RBM20: variants seen among roughly 807,000 people sequenced by gnomAD.
The protein encoded by RBM20 is RNA binding motif protein 20.
RBM20 carries 51 observed loss-of-function variants against 110.1 expected under a neutral mutation model. The ratio of observed to expected loss-of-function variants is 0.46; its 90% CI spans 0.37 to 0.59. RBM20 has a LOEUF of 0.59. Among genes scored for constraint, RBM20 ranks in the 20% least tolerant of loss-of-function variants. RBM20 has a pLI of 0.00. For synonymous variants in RBM20, 589 were observed against 618.2 expected (o/e 0.95, Z 0.70); for missense variants, 1,512 against 1,574.9 (o/e 0.96, Z 0.68).
At chr10:110,788,790 A>G (rs1844450577) in intron 5 of RBM20, among the ~76,000 whole-genome samples, 1 of 152,224 alleles carries the variant, frequency 6.6e-6, no homozygotes, top group Non-Finnish European at 1.5e-5. Context: ...GCCTACAAAC[A>G]CTGACCTCCA....
At chr10:110,729,574 G>A (rs1289289500) in intron 1 of RBM20, among the ~76,000 whole-genome samples, 1 of 152,220 alleles carries the variant, frequency 6.6e-6, no homozygotes, top group Non-Finnish European at 1.5e-5. Flanking sequence ...GTATCTCCCA[G>A]ATTTGGCAGC....
intron 1 of RBM20, among the ~76,000 whole-genome samples, chr10:110,680,203 G>A (rs75804329): frequency 0.035 from 5,359 of 152,156 alleles, 314 homozygotes; most frequent in African/African-American, 0.12. Flanking sequence ...TGGTGGGGGC[G>A]GAAGTTCAAG....
At chr10:110,743,408 T>G (rs1055083730) in intron 1 of RBM20, among the ~76,000 whole-genome samples, 3 of 152,310 alleles carry the variant, frequency 2.0e-5, no homozygotes, top group East Asian at 3.9e-4. Flanking sequence ...TAACGTGATA[T>G]ATCTTATTTT....
intron 1 of RBM20, among the ~76,000 whole-genome samples, chr10:110,699,623 C>T (rs1258887906): frequency 6.6e-6 from 1 of 152,116 alleles, no homozygotes; most frequent in Non-Finnish European, 1.5e-5. Flanking sequence ...AACCTGCATT[C>T]TTAAAGGGTA....
chr10:110,822,323 G>T (rs987991389), intron 11 of RBM20: 1 of 422,884 alleles, frequency 2.4e-6, no homozygotes, highest in Non-Finnish European at 4.6e-6. Context: ...TGTGATGGGG[G>T]CAAGAGTAGG....
chr10:110,780,988 G>A lies in RBM20; in HGVS notation c.379G>A (p.Val127Met). The A allele has an allele frequency of 4.5e-6, 7 of 1,551,726 alleles. No individual in the cohort carries two copies. Among genetic ancestry groups the A allele is most frequent in the Non-Finnish European group, 6.1e-6 (7 of 1,147,016 alleles). Reference protein sequence around the residue: ...ATVLNQVLSKVAMSQPLFNQL... With the variant: ...ATVLNQVLSKMAMSQPLFNQL... ...AGTCCTGAACCAAGTCCTCTCCAAA[G>A]TGGCCATGTCCCAGCCTCTCTTCAA... is the stretch of plus-strand genomic sequence containing the variant. The change falls in exon 2 of 14, where the codon GTG becomes ATG. Residue 127 changes from valine to methionine, a missense_variant. Transcript: ENST00000369519.
At chr10:110,788,559 C>T (rs1258920099) in intron 5 of RBM20, among the ~76,000 whole-genome samples, 1 of 152,214 alleles carries the variant, frequency 6.6e-6, no homozygotes, top group East Asian at 1.9e-4. Context: ...GATGTTCATT[C>T]ACATCCTTCT....
intron 1 of RBM20, among the ~76,000 whole-genome samples, chr10:110,658,610 C>T (rs369990677): frequency 1.2e-4 from 19 of 152,290 alleles, no homozygotes; most frequent in East Asian, 7.7e-4. Flanking sequence ...GCTCTACCCC[C>T]GGCCTCCTGC....
chr10:110,752,939 ATATATATT>A (rs72338091), intron 1 of RBM20, among the ~76,000 whole-genome samples: 9,039 of 93,446 alleles, frequency 0.097, 514 homozygotes, highest in East Asian at 0.35. Context: ...ATATATATAT[ATATATATT>A]TTTTTTTTTT....
chr10:110,675,330 G>C (rs904589032), intron 1 of RBM20, among the ~76,000 whole-genome samples: 1 of 152,192 alleles, frequency 6.6e-6, no homozygotes, highest in African/African-American at 2.4e-5. Context: ...AGGCTCCAAA[G>C]TTAAGAAGCG....
intron 6 of RBM20, among the ~76,000 whole-genome samples, chr10:110,798,504 T>C (rs1254037466): frequency 6.6e-6 from 1 of 152,164 alleles, no homozygotes; most frequent in African/African-American, 2.4e-5. Context: ...ATTGATGTGG[T>C]GAGAGTCCCT....
chr10:110,682,291 C>G (rs768238873), intron 1 of RBM20, among the ~76,000 whole-genome samples: 2 of 152,138 alleles, frequency 1.3e-5, no homozygotes, highest in Non-Finnish European at 2.9e-5. Flanking sequence ...GACAGTACCT[C>G]AGTCTTTTCT....
chr10:110,792,058 T>C (rs1330927325), intron 5 of RBM20, among the ~76,000 whole-genome samples: 1 of 152,216 alleles, frequency 6.6e-6, no homozygotes, highest in Admixed American at 6.5e-5. Flanking sequence ...GGAACTCCCA[T>C]ATAACTTTTG....
chr10:110,715,861 C>T (rs995769274), intron 1 of RBM20, among the ~76,000 whole-genome samples: 1 of 152,204 alleles, frequency 6.6e-6, no homozygotes, highest in African/African-American at 2.4e-5. Context: ...CGTCTACTCA[C>T]AGCCCATTGG....
chr10:110,778,527 A>G (rs574012657), intron 1 of RBM20, among the ~76,000 whole-genome samples: 1 of 152,320 alleles, frequency 6.6e-6, no homozygotes, highest in African/African-American at 2.4e-5. Flanking sequence ...ACTGTACAGA[A>G]CCTGTGACAG....
At position 110,654,558 on chromosome 10, in the gene RBM20, T is replaced by C. The variant is rs572523039; in HGVS notation, c.191+9913T>C. 9.9e-5 allele frequency among the ~76,000 whole-genome samples: 15 copies of C among 151,812 alleles called. No individual in the cohort carries two copies. In the South Asian group the frequency reaches 2.9e-3, roughly 29 times the overall value. ...TAACTCTGTTTTCAAAATCACTGTA[T>C]GAAGCAGGCTTTAAAAATGACTGAT... On this transcript the variant is annotated intron_variant, in intron 1 of 13. Transcript: ENST00000369519.
intron 1 of RBM20, among the ~76,000 whole-genome samples, chr10:110,768,962 T>C (rs1206674378): frequency 6.6e-6 from 1 of 152,250 alleles, no homozygotes; most frequent in Non-Finnish European, 1.5e-5. Flanking sequence ...GTGTTTATTC[T>C]TCAGGGTCAT....
chr10:110,779,936 C>CT (rs1405671542), intron 1 of RBM20, among the ~76,000 whole-genome samples: 1 of 152,098 alleles, frequency 6.6e-6, no homozygotes, highest in Non-Finnish European at 1.5e-5. Context: ...TTAAGCCTGC[C>CT]TTTTTCACTT....
intron 1 of RBM20, among the ~76,000 whole-genome samples, chr10:110,654,477 A>T (rs1230978837): frequency 6.6e-6 from 1 of 152,216 alleles, no homozygotes; most frequent in Non-Finnish European, 1.5e-5. Context: ...TGTACTGCTC[A>T]TCAGATTTTT....
Sources: allele counts gnomAD v4.1 joint callset (sites outside exome capture counted in the v4.1 genomes callset), GRCh38; gene constraint gnomAD v4.1.1; transcripts MANE v1.5; gene names NCBI Gene and HGNC (gene_info 2026-07-23, HGNC 2026-07-21).